The following SGPP2 variants were observed in gnomAD, a reference collection of about 807,000 sequenced individuals.
SGPP2 encodes sphingosine-1-phosphate phosphatase 2.
In SGPP2, 30 loss-of-function variants were observed where a neutral mutation model predicts 33.9. The ratio of observed to expected loss-of-function variants is 0.89; its 90% CI spans 0.66 to 1.20. The LOEUF is 1.20. SGPP2 is among the 50% of genes most tolerant of loss of function. The probability of loss-of-function intolerance (pLI) is 0.00; values close to 1 mark genes in which losing one functional copy is unlikely to be tolerated. For synonymous variants in SGPP2, 233 were observed against 225.0 expected, an observed-to-expected ratio of 1.04 and a Z score of -0.32; for missense variants, 458 against 532.1, an observed-to-expected ratio of 0.86 and a Z score of 1.37.
At chr2:222,504,196 A>T (rs564353502) in intron 2 of SGPP2, 2 of 152,202 alleles carry the variant, frequency 1.3e-5, no homozygotes, top group East Asian at 3.9e-4. Context: ...AAATCAGTGA[A>T]CTCTCCGTTC....
chr2:222,548,200 T>C (rs527947864), intron 4 of SGPP2, among the ~76,000 whole-genome samples: 6 of 152,350 alleles, frequency 3.9e-5, no homozygotes, highest in African/African-American at 1.2e-4. Context: ...ACAAAGTACT[T>C]TCCCTTTTAT....
intron 2 of SGPP2, among the ~76,000 whole-genome samples, chr2:222,479,822 C>CA (rs370895526): frequency 1.3e-5 from 2 of 151,718 alleles, no homozygotes; most frequent in African/African-American, 4.9e-5. Context: ...TTTTCACACA[C>CA]AAAAATTTGC....
Position 222,424,734 on chromosome 2 carries a change from G to C in SGPP2, c.132G>C (p.Arg44=). 7.0e-7 allele frequency: 1 copy of C among 1,429,170 alleles called. No individual in the cohort carries two copies. Among genetic ancestry groups the C allele is most frequent in the Non-Finnish European group, 9.1e-7 (1 of 1,092,946 alleles). The allele number at this position is 1,429,170 out of a possible 1,614,324, so 88.5% of individuals were successfully genotyped here. Residue 44 remains arginine, a synonymous_variant, in exon 1 of 5, where the codon CGG becomes CGC. Transcript: ENST00000321276. ...CGGACCCCACGGAGCGCGCGGCGCG[G>C]GTCCCCGGGGTCGAGCATCTCCCCG... is the stretch of plus-strand genomic sequence containing the variant. ...NGADPTERAA[R]VPGVEHLPAA...
intron 4 of SGPP2, among the ~76,000 whole-genome samples, chr2:222,525,282 G>A (rs777513215): frequency 3.9e-5 from 6 of 152,184 alleles, no homozygotes; most frequent in Admixed American, 2.6e-4. Context: ...CTAGAACAGC[G>A]TTGGAGACTC....
intron 1 of SGPP2, among the ~76,000 whole-genome samples, chr2:222,448,267 A>C (rs775412741): frequency 6.6e-6 from 1 of 152,184 alleles, no homozygotes; most frequent in Non-Finnish European, 1.5e-5. Context: ...CACTCAATGC[A>C]TGATTTTTAC....
At chr2:222,486,731 GAGGTGTAGAGCCT>G (rs60857728) in intron 2 of SGPP2, among the ~76,000 whole-genome samples, 21,569 of 152,144 alleles carry the variant, frequency 0.14, 1,683 homozygotes, top group Admixed American at 0.24. Flanking sequence ...GACATGGCCA[GAGGTGTAGAGCCT>G]AGATTCGAAC....
intron 1 of SGPP2, among the ~76,000 whole-genome samples, chr2:222,434,068 CAGG>C (rs1697198752): frequency 6.6e-6 from 1 of 152,286 alleles, no homozygotes; most frequent in East Asian, 1.9e-4. Context: ...TTTTATCCAG[CAGG>C]AGATTTTCTT....
At position 222,559,142 on chromosome 2, in the gene SGPP2, C is replaced by G. The variant is rs1311446397; in HGVS notation, c.*244C>G. On this transcript the variant is annotated 3_prime_UTR_variant, in exon 5 of 5. Transcript: ENST00000321276. Reference sequence around the variant, plus strand: ...CCAGGCTAAAGACCATAATCCGGATCTTTAAAGGCACACACCGCGCCCCCC... The same window carrying G: ...CCAGGCTAAAGACCATAATCCGGATGTTTAAAGGCACACACCGCGCCCCCC... The G allele has an allele frequency of 4.0e-6, 1 of 252,440 alleles. No homozygotes were observed. 15.6% of individuals were successfully genotyped at this position (252,440 alleles called of 1,614,324 possible).
At chr2:222,496,279 A>G (rs553272692) in intron 2 of SGPP2, among the ~76,000 whole-genome samples, 1 of 152,378 alleles carries the variant, frequency 6.6e-6, no homozygotes, top group African/African-American at 2.4e-5. Flanking sequence ...TTCACTTCTC[A>G]GTTTGAGACG....
rs1044668720 is a variant in SGPP2 at position 222,550,238 on chromosome 2, T to C, written c.649-8109T>C. 1.3e-5 allele frequency among the ~76,000 whole-genome samples: 2 copies of C among 152,228 alleles called. No individual in the cohort carries two copies. Among genetic ancestry groups the C allele is most frequent in the African/African-American group, 4.8e-5 (2 of 41,464 alleles). On this transcript the variant is annotated intron_variant, in intron 4 of 4. Coordinates refer to ENST00000321276, the MANE Select transcript of SGPP2 (RefSeq NM_152386.4). The surrounding 1 kb of genome is among the most constrained non-coding windows in gnomAD (Gnocchi z 4.5). ...GAGGAATGGTATATTGCTTATCATA[T>C]AGATTCTTAGGGATATTTCTTTTTT...
chr2:222,443,083 G>A (rs1429110973), intron 1 of SGPP2, among the ~76,000 whole-genome samples: 1 of 152,168 alleles, frequency 6.6e-6, no homozygotes, highest in Non-Finnish European at 1.5e-5. Context: ...CTAAAAAACT[G>A]TGACAATCTT....
chr2:222,515,440 T>G (rs1698590314), intron 2 of SGPP2, among the ~76,000 whole-genome samples: 1 of 152,126 alleles, frequency 6.6e-6, no homozygotes. Context: ...GCGATTCTGC[T>G]GCCTCAGCCT....
intron 1 of SGPP2, among the ~76,000 whole-genome samples, chr2:222,458,942 C>T (rs980461942): frequency 3.9e-5 from 6 of 152,120 alleles, no homozygotes; most frequent in African/African-American, 1.2e-4. Context: ...AATCTCAATA[C>T]ATCCAGATAT....
In SGPP2 at chr2:222,476,213, G is replaced by A. The variant is rs1316781027; in HGVS notation, c.378+1487G>A. On this transcript the variant is annotated intron_variant, in intron 2 of 4. Coordinates refer to ENST00000321276, the MANE Select transcript of SGPP2 (RefSeq NM_152386.4). This position sits in a 1 kb window ranked among gnomAD's most constrained non-coding sequence, Gnocchi z 4.3. ...TGGTGAGCATTATGTTTTCTCATTT[G>A]TAGAACAAGTAGAATGGACTTGATC... 2.6e-5 allele frequency among the ~76,000 whole-genome samples: 4 copies of A among 152,128 alleles called. No homozygotes were observed. Among genetic ancestry groups the A allele is most frequent in the Non-Finnish European group, 5.9e-5 (4 of 68,020 alleles).
chr2:222,452,617 A>T (rs1379730345), intron 1 of SGPP2: 2 of 1,352,068 alleles, frequency 1.5e-6, no homozygotes, highest in Non-Finnish European at 2.1e-6. Context: ...TGATTGTTCC[A>T]GAACTGGGTG....
chr2:222,530,706 T>C lies in SGPP2; in HGVS notation c.648+5673T>C. ...CTTTCTCTATAATAAGGCTGTTTAA[T>C]TTTCTTATAATTCATGTATTCATTG... On this transcript the variant is annotated intron_variant, in intron 4 of 4. Transcript: ENST00000321276. 1.3e-5 allele frequency among the ~76,000 whole-genome samples: 2 copies of C among 152,246 alleles called. 1 individual carries two copies. Among genetic ancestry groups the C allele is most frequent in the Admixed American group, 1.3e-4 (2 of 15,282 alleles).
intron 2 of SGPP2, chr2:222,498,311 T>C (rs576259895): frequency 6.6e-6 from 1 of 152,314 alleles, no homozygotes; most frequent in Non-Finnish European, 1.5e-5. Flanking sequence ...CAGCAGCACA[T>C]ATACTAAAAG....
chr2:222,520,302 T>C (rs1267924135), intron 2 of SGPP2, among the ~76,000 whole-genome samples: 2 of 152,126 alleles, frequency 1.3e-5, no homozygotes, highest in African/African-American at 4.8e-5. Context: ...CTTTTTTCAG[T>C]AGATATGAAC....
chr2:222,501,924 G>T (rs73067732), intron 2 of SGPP2, among the ~76,000 whole-genome samples: 3,270 of 150,488 alleles, frequency 0.022, 112 homozygotes, highest in African/African-American at 0.074. Flanking sequence ...TTGTTTTTAT[G>T]ATTATCATTT....
Sources: gnomAD v4.1 joint callset for allele counts (sites outside exome capture counted in the v4.1 genomes callset) on GRCh38, gnomAD v4.1.1 for gene constraint, Gnocchi (gnomAD v3.1) non-coding constraint, MANE v1.5 for transcripts, NCBI Gene and HGNC (gene_info 2026-07-23, HGNC 2026-07-21) for gene names.